PHLDB2: variants seen among roughly 807,000 people sequenced by gnomAD.
PHLDB2 encodes pleckstrin homology like domain family B member 2.
PHLDB2 carries 71 observed loss-of-function variants against 123.6 expected under a neutral mutation model. That is an observed-to-expected ratio of 0.57 (90% CI 0.47 to 0.70). PHLDB2 has a LOEUF of 0.70. PHLDB2 is among the 30% of genes least tolerant of loss of function. The probability of loss-of-function intolerance (pLI) is 0.00; values close to 1 mark genes in which losing one functional copy is unlikely to be tolerated. For missense variants in PHLDB2, 1,446 were observed against 1,519.5 expected (o/e 0.95, Z 0.80); for synonymous variants, 547 against 541.6 (o/e 1.01, Z -0.14).
chr3:111,908,376 G>A (rs1343238489), intron 2 of PHLDB2, among the ~76,000 whole-genome samples: 1 of 152,076 alleles, frequency 6.6e-6, no homozygotes, highest in Non-Finnish European at 1.5e-5. Flanking sequence ...TGGTTTATTA[G>A]TCATAATGTA....
At chr3:111,750,666 C>G (rs1421731615) in intron 1 of PHLDB2, among the ~76,000 whole-genome samples, 1 of 152,118 alleles carries the variant, frequency 6.6e-6, no homozygotes, top group East Asian at 1.9e-4. Flanking sequence ...TCCCCGGGGG[C>G]CGGATGCGAT....
At chr3:111,913,077 T>C (rs979405629) in intron 2 of PHLDB2, among the ~76,000 whole-genome samples, 6 of 152,080 alleles carry the variant, frequency 3.9e-5, no homozygotes, top group African/African-American at 1.4e-4. Context: ...GATATACCAA[T>C]AAAGGGGAGA....
intron 1 of PHLDB2, among the ~76,000 whole-genome samples, chr3:111,879,442 G>A (rs1395898709): frequency 6.6e-6 from 1 of 152,116 alleles, no homozygotes; most frequent in Non-Finnish European, 1.5e-5. Flanking sequence ...AAGTGGAAGT[G>A]GATCATTATG....
intron 1 of PHLDB2, among the ~76,000 whole-genome samples, chr3:111,878,818 T>G (rs1475050208): frequency 6.6e-6 from 1 of 152,188 alleles, no homozygotes; most frequent in Non-Finnish European, 1.5e-5. Flanking sequence ...ATCATGTGGT[T>G]TTTATTATTG....
chr3:111,963,461 A>C (rs1027118345), intron 13 of PHLDB2, among the ~76,000 whole-genome samples: 1 of 152,222 alleles, frequency 6.6e-6, no homozygotes, highest in Non-Finnish European at 1.5e-5. Flanking sequence ...GATTGTATGC[A>C]GAATTAACTC....
At chr3:111,930,700 T>A (rs1355183604) in intron 5 of PHLDB2, among the ~76,000 whole-genome samples, 1 of 152,206 alleles carries the variant, frequency 6.6e-6, no homozygotes, top group Non-Finnish European at 1.5e-5. Context: ...GGGCATCCTT[T>A]GTTCTGTTAA....
intron 1 of PHLDB2, among the ~76,000 whole-genome samples, chr3:111,750,175 T>C (rs1237132163): frequency 6.6e-6 from 1 of 152,234 alleles, no homozygotes; most frequent in East Asian, 1.9e-4. Context: ...AATGAAATGA[T>C]ACATTCTTTA....
chr3:111,752,968 G>A (rs1420839136), intron 1 of PHLDB2, among the ~76,000 whole-genome samples: 1 of 152,142 alleles, frequency 6.6e-6, no homozygotes, highest in African/African-American at 2.4e-5. Flanking sequence ...TCCCTACAAA[G>A]GACATGAACT....
At chr3:111,794,299 C>T (rs777742305) in intron 1 of PHLDB2, among the ~76,000 whole-genome samples, 13 of 152,114 alleles carry the variant, frequency 8.5e-5, no homozygotes, top group Non-Finnish European at 1.8e-4. Context: ...TGCAAAGTCC[C>T]GCAGTCACTG....
At chr3:111,796,369 T>A (rs1045044003) in intron 1 of PHLDB2, among the ~76,000 whole-genome samples, 4 of 152,224 alleles carry the variant, frequency 2.6e-5, no homozygotes, top group Non-Finnish European at 5.9e-5. Context: ...ATCTCTCCAC[T>A]TTTCTCCAGC....
rs575693453 is a variant in PHLDB2, at chr3:111,826,251, G to A, written c.-48-19570G>A. On this transcript the variant is annotated intron_variant, in intron 1 of 17. Coordinates refer to the PHLDB2 transcript ENST00000393923. ...TTGAATCTGAGAGATGGAGGTTGCAGTGAGCCAAGAGCATGCCACTGCACT... is the reference window on the plus strand; with the variant it reads ...TTGAATCTGAGAGATGGAGGTTGCAATGAGCCAAGAGCATGCCACTGCACT... Among the ~76,000 whole-genome samples the A allele has an allele frequency of 3.0e-4, 45 of 152,250 alleles. 1 individual carries two copies. The South Asian group carries it at 9.1e-3, about 31-fold the overall frequency.
In PHLDB2 at chr3:111,882,363, G is replaced by A. The variant is rs1178419707; in HGVS notation, c.-14-1701G>A. Among the ~76,000 whole-genome samples the A allele has an allele frequency of 3.9e-5, 6 of 152,060 alleles. No homozygotes were observed. In the South Asian group the frequency reaches 8.3e-4, roughly 21 times the overall value. On this transcript the variant is annotated intron_variant, in intron 1 of 17. Transcript: ENST00000431670. Reference sequence around the variant, plus strand: ...GAGTCTCAGTTTCAGTCCTCTAAGCGGGCATGGTAAGATATTTCTCAATCC... The same window carrying A: ...GAGTCTCAGTTTCAGTCCTCTAAGCAGGCATGGTAAGATATTTCTCAATCC...
chr3:111,900,032 T>C (rs1241750984), intron 2 of PHLDB2, among the ~76,000 whole-genome samples: 1 of 152,260 alleles, frequency 6.6e-6, no homozygotes, highest in African/African-American at 2.4e-5. Flanking sequence ...ACAATGTCTT[T>C]CCTTAAACCT....
At chr3:111,741,818 T>A (rs1017213006) in intron 1 of PHLDB2, among the ~76,000 whole-genome samples, 1 of 152,218 alleles carries the variant, frequency 6.6e-6, no homozygotes, top group Non-Finnish European at 1.5e-5. Context: ...ACAAGATCCT[T>A]CAGCATGTAA....
intron 2 of PHLDB2, among the ~76,000 whole-genome samples, chr3:111,904,342 A>C (rs2067392696): frequency 6.6e-6 from 1 of 151,910 alleles, no homozygotes; most frequent in Non-Finnish European, 1.5e-5. Flanking sequence ...AATCATTAAA[A>C]TATAAGATGA....
In PHLDB2 at chr3:111,919,170, A is replaced by G. The variant is rs1472487002; in HGVS notation, c.1818A>G (p.Gln606=). 1 of 1,614,052 alleles carries G rather than the reference A, an allele frequency of 6.2e-7. No individual in the cohort carries two copies. Among genetic ancestry groups the G allele is most frequent in the African/African-American group, 1.3e-5 (1 of 74,940 alleles). Reference sequence around the variant, plus strand: ...TGAACAACCTCGAGGAACTTAAGCAAAAAATCAAAGACATAAATGATCAGA... The same window carrying G: ...TGAACAACCTCGAGGAACTTAAGCAGAAAATCAAAGACATAAATGATCAGA... ...VILNNLEELK[Q]KIKDINDQMD... is the part of the protein sequence containing the mutation. The change falls in exon 4 of 18, where the codon CAA becomes CAG. Residue 606 remains glutamine, a synonymous_variant. Coordinates refer to ENST00000431670, the MANE Select transcript of PHLDB2 (RefSeq NM_001134438.2).
chr3:111,969,935 A>G (rs769940317), intron 16 of PHLDB2, 26 bp downstream of exon 16: 2 of 1,603,196 alleles, frequency 1.2e-6, no homozygotes, highest in East Asian at 4.5e-5. Context: ...AATTTAAGCC[A>G]TATACTCAAA....
chr3:111,771,459 C>T (rs956358595), intron 1 of PHLDB2, among the ~76,000 whole-genome samples: 8 of 151,896 alleles, frequency 5.3e-5, no homozygotes, highest in South Asian at 2.1e-4. Context: ...AAGTGATTCT[C>T]GTGCCTCAGC....
chr3:111,829,752 G>A (rs771325211), intron 1 of PHLDB2, among the ~76,000 whole-genome samples: 4 of 151,976 alleles, frequency 2.6e-5, no homozygotes, highest in African/African-American at 7.2e-5. Context: ...ATGAGCCACC[G>A]CGCCCGACCA....
Sources: gnomAD v4.1 joint callset for allele counts (sites outside exome capture counted in the v4.1 genomes callset) on GRCh38, gnomAD v4.1.1 for gene constraint, MANE v1.5 for transcripts, NCBI Gene and HGNC (gene_info 2026-07-23, HGNC 2026-07-21) for gene names.